The following OAF variants were observed in gnomAD, a reference collection of about 807,000 sequenced individuals.
The protein encoded by OAF is out at first protein homolog.
A neutral mutation model predicts 22.5 loss-of-function variants in OAF; 13 were observed. The ratio of observed to expected loss-of-function variants is 0.58; its 90% CI spans 0.38 to 0.92. The LOEUF is 0.92. OAF is among the 40% of genes least tolerant of loss of function. OAF has a pLI of 0.00. For synonymous variants in OAF, 175 were observed against 170.5 expected (o/e 1.03, Z -0.21); for missense variants, 347 against 381.8 (o/e 0.91, Z 0.76).
chr11:120,222,867 G>A (rs909403506), intron 1 of OAF, among the ~76,000 whole-genome samples: 9 of 152,148 alleles, frequency 5.9e-5, no homozygotes, highest in Non-Finnish European at 8.8e-5. Context: ...AGCCGAGATC[G>A]CGCCATTGCA....
intron 1 of OAF, among the ~76,000 whole-genome samples, chr11:120,224,068 G>A (rs1385323730): frequency 6.6e-6 from 1 of 152,198 alleles, no homozygotes; most frequent in Non-Finnish European, 1.5e-5. Flanking sequence ...TTGAGAGGAA[G>A]CAGGGGTTGG....
intron 1 of OAF, among the ~76,000 whole-genome samples, chr11:120,222,926 A>G (rs569835158): frequency 8.4e-5 from 2 of 23,774 alleles, no homozygotes; most frequent in South Asian, 1.2e-3. Context: ...ACAAAACAAA[A>G]CAAAAAACAA....
At chr11:120,225,530 C>A in intron 1 of OAF, 131 bp from the exon 2 acceptor site, 1 of 690,738 alleles carries the variant, frequency 1.4e-6, no homozygotes, top group Non-Finnish European at 2.3e-6. Context: ...AATTCCTAGA[C>A]CAGCAGGAGG....
chr11:120,228,825 T>TGCCAAA lies in OAF; in HGVS notation c.548-43_548-42insGCCAAA. 11 of 434,166 alleles carry TGCCAAA rather than the reference T, an allele frequency of 2.5e-5. No individual in the cohort carries two copies. In the East Asian group the frequency reaches 2.7e-4, roughly 11 times the overall value. The allele number at this position is 434,166 out of a possible 1,614,324, so 26.9% of individuals were successfully genotyped here. ...CCTCTGACTAGGGGAGCTCCTTCCC[T>TGCCAAA]CCCTCCCTCCCTCCCTCCCTGATCC... On this transcript the variant is annotated intron_variant, in intron 3 of 3. Transcript: ENST00000328965.
chr11:120,212,757 G>A (rs1331294220), intron 1 of OAF, among the ~76,000 whole-genome samples: 2 of 150,004 alleles, frequency 1.3e-5, no homozygotes, highest in Admixed American at 1.3e-4. Context: ...TGGGGTTGGG[G>A]GGTGAGGCTT....
chr11:120,221,015 A>G (rs1938274463), intron 1 of OAF, among the ~76,000 whole-genome samples: 1 of 152,152 alleles, frequency 6.6e-6, no homozygotes, highest in African/African-American at 2.4e-5. Context: ...TTTAACTGTC[A>G]AGGGCCAATG....
intron 1 of OAF, among the ~76,000 whole-genome samples, chr11:120,224,418 A>G (rs1938325255): frequency 6.6e-6 from 1 of 152,240 alleles, no homozygotes; most frequent in Admixed American, 6.5e-5. Flanking sequence ...ACCCTGTCAC[A>G]TAACTGGGAT....
chr11:120,229,097 C>T lies in OAF; in HGVS notation c.777C>T (p.Pro259=), dbSNP rs757029515. ...QKSYSFDFYV[P]QRQLCLWDED... ...GCTACAGCTTCGACTTCTACGTGCC[C>T]CAGAGGCAGCTGTGTCTCTGGGATG... Residue 259 remains proline (P), a synonymous_variant, in exon 4 of 4, where the codon CCC becomes CCT. Transcript: ENST00000328965. The T allele has an allele frequency of 3.7e-6, 6 of 1,613,464 alleles. No homozygotes were observed. The East Asian group carries it at 1.1e-4, about 30-fold the overall frequency.
At position 120,226,836 on chromosome 11, in the gene OAF, G is replaced by T. The variant is rs1462555697; in HGVS notation, c.387G>T (p.Arg129=). The T allele has an allele frequency of 2.5e-6, 4 of 1,600,906 alleles. No homozygotes were observed. In the African/African-American group the frequency reaches 5.3e-5, roughly 21 times the overall value. The change falls in exon 3 of 4, where the codon CGG becomes CGT. Residue 129 remains arginine, a synonymous_variant. Transcript: ENST00000328965. The stretch of plus-strand genomic sequence containing the variant: ...CACAGAAAAATCCCCGGGCAGTGCG[G>T]CAGGCGGAGGAGGTTCGGGGTCTGG... ...KLRQKNPRAV[R]QAEEVRGLEH... is the part of the protein sequence containing the mutation.
chr11:120,220,782 A>G (rs1938271508), intron 1 of OAF, among the ~76,000 whole-genome samples: 1 of 152,196 alleles, frequency 6.6e-6, no homozygotes, highest in Non-Finnish European at 1.5e-5. Context: ...GGGAACTACA[A>G]GCTCTCCGGT....
At chr11:120,224,614 G>A (rs1938327701) in intron 1 of OAF, among the ~76,000 whole-genome samples, 1 of 152,174 alleles carries the variant, frequency 6.6e-6, no homozygotes, top group Admixed American at 6.5e-5. Flanking sequence ...TGACTGTGTG[G>A]TGGGGGGAGC....
chr11:120,226,475 T>C (rs902358792), intron 2 of OAF, among the ~76,000 whole-genome samples: 2 of 152,226 alleles, frequency 1.3e-5, no homozygotes, highest in Non-Finnish European at 2.9e-5. Context: ...TGTTGGAAAG[T>C]ACGTGATTCC....
rs1162959098 is a variant in OAF, at chr11:120,229,904, A to G, written c.*762A>G. The stretch of plus-strand genomic sequence containing the variant: ...AGATTTTTAGTGCAAAGTATTTATC[A>G]TTTCTACCAGAAATAAACGTTTTAA... On this transcript the variant is annotated 3_prime_UTR_variant, in exon 4 of 4. Transcript: ENST00000328965. 6.6e-6 allele frequency: 1 copy of G among 152,594 alleles called. No homozygotes were observed. Among genetic ancestry groups the G allele is most frequent in the African/African-American group, 2.4e-5 (1 of 41,468 alleles). The allele number at this position is 152,594 out of a possible 1,614,324, so 9.5% of individuals were successfully genotyped here.
chr11:120,227,999 T>C (rs1278531482), intron 3 of OAF, among the ~76,000 whole-genome samples: 1 of 152,004 alleles, frequency 6.6e-6, no homozygotes, highest in Non-Finnish European at 1.5e-5. Flanking sequence ...ACTTTCCCAT[T>C]TGATCCAAGC....
At chr11:120,219,353 G>T (rs1433015191) in intron 1 of OAF, among the ~76,000 whole-genome samples, 1 of 152,174 alleles carries the variant, frequency 6.6e-6, no homozygotes, top group Admixed American at 6.5e-5. Context: ...CATCAGTTGA[G>T]ATTAGGCTCA....
intron 2 of OAF, among the ~76,000 whole-genome samples, chr11:120,226,421 C>T (rs1348074031): frequency 2.0e-5 from 3 of 152,278 alleles, no homozygotes; most frequent in Non-Finnish European, 4.4e-5. Context: ...GCCTCCTCGC[C>T]CCTGCGCTTT....
At position 120,211,158 on chromosome 11, in the gene OAF, G is replaced by T; in HGVS notation, c.-122G>T. The T allele has an allele frequency of 2.5e-6, 1 of 403,302 alleles. No individual in the cohort carries two copies. Among genetic ancestry groups the T allele is most frequent in the Non-Finnish European group, 3.8e-6 (1 of 264,296 alleles). 25.0% of individuals were successfully genotyped at this position (403,302 alleles called of 1,614,324 possible). A position where few individuals can be genotyped will look rare whatever the true frequency, so the allele number is the denominator to read the frequency against. Reference sequence around the variant, plus strand: ...CCTCGCGGGCGACCCCGCGGCCAAGGCCCCCGGCGGAGCGGCTCCCGGGCG... The same window carrying T: ...CCTCGCGGGCGACCCCGCGGCCAAGTCCCCCGGCGGAGCGGCTCCCGGGCG... On this transcript the variant is annotated 5_prime_UTR_variant, in exon 1 of 4. Coordinates refer to ENST00000328965, the MANE Select transcript of OAF (RefSeq NM_178507.4).
chr11:120,222,984 T>C (rs2135095393), intron 1 of OAF, among the ~76,000 whole-genome samples: 1 of 152,346 alleles, frequency 6.6e-6, no homozygotes, highest in South Asian at 2.1e-4. Flanking sequence ...AGGGTATTCC[T>C]GCCTCCTCTT....
chr11:120,214,895 C>G (rs186330645), intron 1 of OAF, among the ~76,000 whole-genome samples: 1 of 152,168 alleles, frequency 6.6e-6, no homozygotes, highest in African/African-American at 2.4e-5. Flanking sequence ...TCAGGCTGAC[C>G]GAGCCACAGC....
Sources: allele counts gnomAD v4.1 joint callset (sites outside exome capture counted in the v4.1 genomes callset), GRCh38; gene constraint gnomAD v4.1.1; transcripts MANE v1.5; gene names NCBI Gene and HGNC (gene_info 2026-07-23, HGNC 2026-07-21).